ACACA: variants seen among roughly 807,000 people sequenced by gnomAD.
ACACA encodes the protein acetyl-CoA carboxylase alpha.
Under a neutral mutation model 296.1 loss-of-function variants are expected in ACACA, and 103 were observed. The observed-to-expected ratio is 0.35, with a 90% CI of 0.30 to 0.41. The LOEUF (loss-of-function observed/expected upper bound fraction) is 0.41. Ranked by LOEUF, ACACA falls within the 10% of genes least tolerant of loss-of-function variation. The pLI, the probability that ACACA is intolerant of heterozygous loss-of-function variation, is 1.00. For missense variants in ACACA, 1,554 were observed against 2,989.7 expected (o/e 0.52, Z 11.20); for synonymous variants, 953 against 1,038.6 (o/e 0.92, Z 1.58).
chr17:37,288,363 G>A (rs2082887310), intron 3 of ACACA, among the ~76,000 whole-genome samples: 1 of 152,014 alleles, frequency 6.6e-6, no homozygotes, highest in African/African-American at 2.4e-5. Context: ...TAACATGAAT[G>A]AATCTCAAAA....
intron 1 of ACACA, among the ~76,000 whole-genome samples, chr17:37,405,930 C>T (rs9890344): frequency 0.49 from 72,355 of 146,814 alleles, 18,682 homozygotes; most frequent in East Asian, 0.79. Context: ...TTCACACAGG[C>T]ATAAAGTGTA....
chr17:37,322,717 G>T (rs1347014595), intron 3 of ACACA, among the ~76,000 whole-genome samples: 1 of 152,136 alleles, frequency 6.6e-6, no homozygotes, highest in Non-Finnish European at 1.5e-5. Flanking sequence ...CAGCAGACTT[G>T]CAATGGTGGA....
chr17:37,181,230 T>C lies in ACACA; in HGVS notation c.4903A>G (p.Ile1635Val), dbSNP rs1417569803. The C allele has an allele frequency of 5.0e-6, 8 of 1,614,032 alleles. No individual in the cohort carries two copies. In the Admixed American group the frequency reaches 6.7e-5, roughly 13 times the overall value. Residue 1635 changes from isoleucine to valine, a missense_variant, in exon 40 of 56, where the codon ATA (isoleucine) becomes GTA (valine). Ile to Val is a conservative substitution (Grantham distance 29). Around this residue, in one of 16 missense-constraint regions of ACACA, gnomAD observed 553 missense variants for 1,043.6 expected, o/e 0.53. Transcript: ENST00000616317. ...FQAQSLGTTY[I>V]YDIPEMFRQS... ...CGAAACATCTCTGGGATATCATATA[T>C]GTATGTTGTCCCTAAGGATTGTGCC...
Position 37,256,044 on chromosome 17 carries a change from G to A in ACACA, c.1826+1659C>T, listed in dbSNP as rs530319030. On this transcript the variant is annotated intron_variant, in intron 14 of 55. Transcript: ENST00000616317. ...TTACAGGTGTGAGCCACCGTGCCCA[G>A]GCAAAATTAGCTAACTTTTAACAAC... 2.0e-5 allele frequency among the ~76,000 whole-genome samples: 3 copies of A among 152,220 alleles called. No homozygotes were observed. In the East Asian group the frequency reaches 5.8e-4, roughly 29 times the overall value.
At chr17:37,111,440 G>A in intron 52 of ACACA, 91 bp downstream of exon 52, 2 of 912,818 alleles carry the variant, frequency 2.2e-6, no homozygotes, top group Non-Finnish European at 3.7e-6. Context: ...TTGATCAAAT[G>A]CTTCAGTGCC....
Position 37,221,832 on chromosome 17 carries a change from C to T in ACACA, c.3575G>A (p.Arg1192Gln). 6.2e-7 allele frequency: 1 copy of T among 1,612,612 alleles called. No individual in the cohort carries two copies. The highest frequency in any genetic ancestry group is 8.5e-7 in the Non-Finnish European group (1 of 1,178,728). ...AAGTTCATAGGCAATATAAGCCCTTCGAACATACACCTGGTTCAAAAGAAA... is the reference window on the plus strand; with the variant it reads ...AAGTTCATAGGCAATATAAGCCCTTTGAACATACACCTGGTTCAAAAGAAA... ...VRMAALEVYVRRAYIAYELNS... is the reference protein window; with the variant it reads ...VRMAALEVYVQRAYIAYELNS... Residue 1192 changes from arginine to glutamine, a missense_variant, in exon 29 of 56, where the codon CGA becomes CAA. By Grantham distance (43) the Arg-to-Gln change is conservative (BLOSUM62 1). This residue lies in a region of ACACA where 42 missense variants were observed against 147.5 expected (regional missense o/e 0.28). Coordinates refer to ENST00000616317, the MANE Select transcript of ACACA (RefSeq NM_198834.3).
At chr17:37,354,120 A>G (rs1335343188) in intron 1 of ACACA, among the ~76,000 whole-genome samples, 1 of 152,228 alleles carries the variant, frequency 6.6e-6, no homozygotes, top group Non-Finnish European at 1.5e-5. Context: ...AATAAAGAAA[A>G]TAATTTATAC....
At chr17:37,121,276 G>T in intron 50 of ACACA, 79 bp downstream of exon 50, 1 of 1,598,840 alleles carries the variant, frequency 6.3e-7, no homozygotes, top group Non-Finnish European at 8.6e-7. Flanking sequence ...CACAGATTCT[G>T]CTGAATCTAT....
At chr17:37,222,843 G>A (rs1044524632) in intron 28 of ACACA, among the ~76,000 whole-genome samples, 12 of 152,144 alleles carry the variant, frequency 7.9e-5, no homozygotes, top group African/African-American at 2.9e-4. Context: ...GGTATTCAGG[G>A]CCTGCAATTT....
chr17:37,278,760 T>TTAAGTAAC (rs1429179864), intron 5 of ACACA, among the ~76,000 whole-genome samples: 3 of 152,106 alleles, frequency 2.0e-5, no homozygotes, highest in Non-Finnish European at 4.4e-5. Context: ...CTTGGAGGAG[T>TTAAGTAAC]TAAGTAACTT....
At chr17:37,259,238 G>C in intron 12 of ACACA, 122 bp downstream of exon 12, 1 of 1,135,560 alleles carries the variant, frequency 8.8e-7, no homozygotes, top group Non-Finnish European at 1.3e-6. Context: ...GGGTGAAAGA[G>C]AAATGACCAT....
At chr17:37,328,255 A>G (rs2047709097) in intron 3 of ACACA, among the ~76,000 whole-genome samples, 1 of 152,160 alleles carries the variant, frequency 6.6e-6, no homozygotes. Flanking sequence ...ATTGGGCCTT[A>G]GTTTTCCCAA....
chr17:37,371,023 A>G (rs1217963656), intron 1 of ACACA, among the ~76,000 whole-genome samples: 1 of 152,040 alleles, frequency 6.6e-6, no homozygotes, highest in Non-Finnish European at 1.5e-5. Context: ...CCATTTATAT[A>G]ACATTCAAAA....
chr17:37,294,102 C>A (rs536249943), intron 3 of ACACA, among the ~76,000 whole-genome samples: 2 of 150,226 alleles, frequency 1.3e-5, no homozygotes, highest in African/African-American at 2.4e-5. Context: ...TAGTTAACAA[C>A]ATTAAGTTAC....
Position 37,240,462 on chromosome 17 carries a change from AG to A in ACACA, c.3121+13del. The A allele has an allele frequency of 4.3e-6, 7 of 1,611,984 alleles. No homozygotes were observed. The highest frequency in any genetic ancestry group is 1.3e-5 in the African/African-American group (1 of 75,022). On this transcript the variant is annotated intron_variant, in intron 24 of 55. Transcript: ENST00000616317. ...AGGCTTTCTTAGCTAGAGAGTCCTC[AG>A]GAAGAGGCTTACCATTCTGGAATTG...
intron 33 of ACACA, among the ~76,000 whole-genome samples, chr17:37,202,710 T>TATATATATATAC (rs2078317546): frequency 5.5e-5 from 1 of 18,176 alleles, no homozygotes; most frequent in African/African-American, 2.7e-4. Context: ...TATATATATA[T>TATATATATATAC]ATACACACAC....
chr17:37,208,570 A>C (rs906073786), intron 30 of ACACA, among the ~76,000 whole-genome samples: 4 of 152,194 alleles, frequency 2.6e-5, no homozygotes, highest in African/African-American at 9.7e-5. Context: ...ATTTCCAGCA[A>C]GATACAAAAG....
intron 41 of ACACA, among the ~76,000 whole-genome samples, chr17:37,165,843 T>C (rs780488361): frequency 3.3e-5 from 5 of 151,854 alleles, no homozygotes; most frequent in Non-Finnish European, 5.9e-5. Context: ...ACTCGGCCAA[T>C]TTTTGCATTT....
intron 1 of ACACA, among the ~76,000 whole-genome samples, chr17:37,374,664 C>A (rs2049930685): frequency 6.6e-6 from 1 of 152,070 alleles, no homozygotes; most frequent in Non-Finnish European, 1.5e-5. Context: ...TAAAAAAATA[C>A]AAATTTGGAA....
Sources: gnomAD v4.1 joint callset for allele counts (sites outside exome capture counted in the v4.1 genomes callset) on GRCh38, gnomAD v4.1.1 for gene constraint, gnomAD v4.1.1 regional missense constraint, MANE v1.5 for transcripts, NCBI Gene and HGNC (gene_info 2026-07-23, HGNC 2026-07-21) for gene names.